APP: variants seen among roughly 807,000 people sequenced by gnomAD.
The protein encoded by APP is amyloid beta precursor protein.
In APP, 31 loss-of-function variants were observed where a neutral mutation model predicts 101.4. The ratio of observed to expected loss-of-function variants is 0.31; its 90% confidence interval spans 0.23 to 0.41. The LOEUF is 0.41. Among genes scored for constraint, APP ranks in the 10% least tolerant of loss-of-function variants. The pLI is 1.00. For synonymous variants in APP, 366 were observed against 364.4 expected (o/e 1.00, Z -0.05); for missense variants, 839 against 1,003.7 (o/e 0.84, Z 2.22).
At chr21:26,148,192 C>T (rs2063191935) in intron 1 of APP, among the ~76,000 whole-genome samples, 1 of 152,218 alleles carries the variant, frequency 6.6e-6, no homozygotes, top group South Asian at 2.1e-4. Context: ...ACTTCCCAGT[C>T]CCCTCTGATA....
At chr21:25,974,863 T>C (rs1427850737) in intron 11 of APP, among the ~76,000 whole-genome samples, 1 of 152,114 alleles carries the variant, frequency 6.6e-6, no homozygotes, top group African/African-American at 2.4e-5. Context: ...GAAGTGTGAG[T>C]ACCTGCTGTG....
intron 1 of APP, among the ~76,000 whole-genome samples, chr21:26,135,104 T>TG (rs1381479175): frequency 6.6e-6 from 1 of 152,216 alleles, no homozygotes; most frequent in Non-Finnish European, 1.5e-5. Flanking sequence ...CTATTCTTAG[T>TG]GAATAGACAG....
chr21:26,012,067 G>A (rs954568015), intron 6 of APP, among the ~76,000 whole-genome samples: 7 of 138,378 alleles, frequency 5.1e-5, no homozygotes, highest in African/African-American at 1.8e-4. Context: ...GTGTGGTGGT[G>A]TGATCACGGC....
At chr21:26,033,645 G>A (rs1411250748) in intron 5 of APP, among the ~76,000 whole-genome samples, 3 of 152,194 alleles carry the variant, frequency 2.0e-5, no homozygotes, top group Non-Finnish European at 4.4e-5. Flanking sequence ...TAGATGCAGA[G>A]CCTAGTAGAA....
intron 5 of APP, among the ~76,000 whole-genome samples, chr21:26,036,267 G>T (rs1284196550): frequency 6.8e-6 from 1 of 148,066 alleles, no homozygotes; most frequent in Non-Finnish European, 1.5e-5. Context: ...ACAAAGGCTA[G>T]GGTGGGGGTG....
intron 1 of APP, among the ~76,000 whole-genome samples, chr21:26,125,257 G>A (rs912245603): frequency 4.6e-5 from 7 of 152,040 alleles, no homozygotes; most frequent in Non-Finnish European, 7.4e-5. Context: ...AGGAGGATGC[G>A]GGGGCCCCAG....
At chr21:25,895,533 T>A (rs2037983444) in intron 16 of APP, among the ~76,000 whole-genome samples, 1 of 152,140 alleles carries the variant, frequency 6.6e-6, no homozygotes, top group South Asian at 2.1e-4. Context: ...TTTGTTTTAT[T>A]GTGGTGTTCT....
chr21:25,980,669 AAAC>A (rs375035202), intron 9 of APP, among the ~76,000 whole-genome samples: 759 of 1,576 alleles, frequency 0.48, 6 homozygotes, highest in East Asian at 0.5. Context: ...CAAAACAAAC[AAAC>A]AAAAAACAAA....
At chr21:25,999,127 C>A (rs1321637703) in intron 7 of APP, among the ~76,000 whole-genome samples, 1 of 152,040 alleles carries the variant, frequency 6.6e-6, no homozygotes, top group Non-Finnish European at 1.5e-5. Flanking sequence ...CTTGTCTCTA[C>A]CAAAAATACA....
intron 1 of APP, among the ~76,000 whole-genome samples, chr21:26,114,573 G>A (rs1403974059): frequency 6.6e-6 from 1 of 152,180 alleles, no homozygotes; most frequent in East Asian, 1.9e-4. Flanking sequence ...TGCTCTCTGG[G>A]ATCACTCACT....
chr21:25,890,145 T>TG (rs1367382357), intron 17 of APP, among the ~76,000 whole-genome samples: 1 of 152,166 alleles, frequency 6.6e-6, no homozygotes, highest in Non-Finnish European at 1.5e-5. Context: ...CTCTGATCTA[T>TG]GGGTCAGTCC....
intron 2 of APP, among the ~76,000 whole-genome samples, chr21:26,096,986 C>T (rs983129144): frequency 6.6e-6 from 1 of 152,228 alleles, no homozygotes; most frequent in Non-Finnish European, 1.5e-5. Context: ...TGCCCTCTAA[C>T]TCTTTTAAGT....
At chr21:26,098,158 C>T (rs1349796159) in intron 2 of APP, among the ~76,000 whole-genome samples, 1 of 134,024 alleles carries the variant, frequency 7.5e-6, no homozygotes, top group Non-Finnish European at 1.6e-5. Flanking sequence ...GGAATAGAAA[C>T]AATCTTAGAT....
intron 1 of APP, among the ~76,000 whole-genome samples, chr21:26,142,618 A>G (rs139959726): frequency 6.6e-6 from 1 of 152,224 alleles, no homozygotes; most frequent in African/African-American, 2.4e-5. Context: ...AAAATCTTTA[A>G]AACTGCTGGG....
intron 3 of APP, among the ~76,000 whole-genome samples, chr21:26,057,259 C>G (rs1410393475): frequency 6.6e-6 from 1 of 152,164 alleles, no homozygotes; most frequent in Non-Finnish European, 1.5e-5. Flanking sequence ...GAGTTCTTAA[C>G]AGAATTCTGA....
At chr21:26,126,907 C>G (rs1338516376) in intron 1 of APP, among the ~76,000 whole-genome samples, 1 of 151,800 alleles carries the variant, frequency 6.6e-6, no homozygotes, top group Non-Finnish European at 1.5e-5. Flanking sequence ...ATTAATCCAA[C>G]TGACATCATA....
chr21:26,127,996 G>C (rs1157272281), intron 1 of APP, among the ~76,000 whole-genome samples: 1 of 152,156 alleles, frequency 6.6e-6, no homozygotes, highest in African/African-American at 2.4e-5. Context: ...TATTTATTCA[G>C]GAACCCTGAG....
At chr21:25,913,788 T>C (rs2039202635) in intron 13 of APP, among the ~76,000 whole-genome samples, 1 of 152,168 alleles carries the variant, frequency 6.6e-6, no homozygotes. Flanking sequence ...AATAACTCTT[T>C]TTACTCTTTT....
At chr21:26,052,441 A>G (rs965972597) in intron 4 of APP, among the ~76,000 whole-genome samples, 2 of 148,122 alleles carry the variant, frequency 1.4e-5, no homozygotes, top group Non-Finnish European at 3.0e-5. Context: ...AATTCTAGTT[A>G]GCCTAAGACT....
Sources: gnomAD v4.1 joint callset for allele counts (sites outside exome capture counted in the v4.1 genomes callset) on GRCh38, gnomAD v4.1.1 for gene constraint, MANE v1.5 for transcripts, NCBI Gene and HGNC (gene_info 2026-07-23, HGNC 2026-07-21) for gene names.